Variants in PDS5B observed in about 807,000 individuals in gnomAD.
PDS5B encodes sister chromatid cohesion protein PDS5 homolog B.
In PDS5B, 51 loss-of-function variants were observed where a neutral mutation model predicts 184.1. The observed-to-expected ratio is 0.28, with a 90% CI of 0.22 to 0.35. The LOEUF is 0.35. PDS5B is among the 10% of genes least tolerant of loss of function. PDS5B has a pLI of 1.00. For missense variants in PDS5B, 1,180 were observed against 1,723.3 expected, an observed-to-expected ratio of 0.68 and a Z score of 5.58; for synonymous variants, 566 against 569.2, an observed-to-expected ratio of 0.99 and a Z score of 0.08.
chr13:32,747,370 AACTCT>A (rs1430899858), intron 24 of PDS5B, among the ~76,000 whole-genome samples: 19 of 152,236 alleles, frequency 1.2e-4, no homozygotes, highest in Admixed American at 2.0e-4. Context: ...ACTTATGTAT[AACTCT>A]CTAGACACAA....
At chr13:32,627,496 A>C (rs1186404507) in intron 1 of PDS5B, among the ~76,000 whole-genome samples, 3 of 152,306 alleles carry the variant, frequency 2.0e-5, no homozygotes, top group Admixed American at 2.0e-4. Context: ...TTTAGGAAGA[A>C]AGTTTTTAAA....
intron 1 of PDS5B, among the ~76,000 whole-genome samples, chr13:32,624,002 G>A (rs1445282225): frequency 2.6e-5 from 4 of 151,586 alleles, no homozygotes; most frequent in Admixed American, 2.6e-4. Flanking sequence ...AGTAGAGATG[G>A]GGTTTCACCA....
chr13:32,760,558 T>G lies in PDS5B; in HGVS notation c.3373-17T>G, dbSNP rs1436352808. The G allele has an allele frequency of 5.0e-6, 8 of 1,611,758 alleles. No homozygotes were observed. Among genetic ancestry groups the G allele is most frequent in the Non-Finnish European group, 5.9e-6 (7 of 1,179,158 alleles). Reference sequence around the variant, plus strand: ...GGCTTTAACCAAATAAAAAGAGATGTGCATTTCTCATTTCAGCCTAAAACA... The same window carrying G: ...GGCTTTAACCAAATAAAAAGAGATGGGCATTTCTCATTTCAGCCTAAAACA... On this transcript the variant is annotated splice_polypyrimidine_tract_variant and intron_variant, in intron 29 of 34. Coordinates refer to ENST00000315596, the MANE Select transcript of PDS5B (RefSeq NM_015032.4).
At chr13:32,765,282 G>A (rs1379417802) in intron 31 of PDS5B, among the ~76,000 whole-genome samples, 1 of 152,106 alleles carries the variant, frequency 6.6e-6, no homozygotes, top group Non-Finnish European at 1.5e-5. Flanking sequence ...TTTCTTATCT[G>A]TATGTAAATT....
At chr13:32,619,707 AC>A (rs1486673811) in intron 1 of PDS5B, among the ~76,000 whole-genome samples, 2 of 152,198 alleles carry the variant, frequency 1.3e-5, no homozygotes, top group Admixed American at 6.5e-5. Context: ...TTATGAGACC[AC>A]CGTTATATAT....
intron 19 of PDS5B, among the ~76,000 whole-genome samples, chr13:32,710,508 G>C (rs2183873): frequency 0.37 from 56,433 of 152,080 alleles, 11,084 homozygotes; most frequent in Non-Finnish European, 0.44. Context: ...TTGACACAGG[G>C]AAGTCGAGAA....
chr13:32,696,890 A>G lies in PDS5B; in HGVS notation c.1588A>G (p.Met530Val). ...ASVKAIFSKV[M>V]VITRNLPDPG... ...TGTCAAGGCCATATTTTCAAAAGTG[A>G]TGGTTATTACAAGTAAGTTATTTTA... The change falls in exon 15 of 35, where the codon ATG becomes GTG. Residue 530 changes from methionine to valine, a missense_variant. By Grantham distance (21) the Met-to-Val change is conservative (BLOSUM62 1). Coordinates refer to ENST00000315596, the MANE Select transcript of PDS5B (RefSeq NM_015032.4). 1 of 1,565,700 alleles carries G rather than the reference A, an allele frequency of 6.4e-7. No individual in the cohort carries two copies. Among genetic ancestry groups the G allele is most frequent in the Non-Finnish European group, 8.8e-7 (1 of 1,141,936 alleles).
rs1310159498 is a variant in PDS5B at position 32,775,059 on chromosome 13, G to GT, written c.*8dup. On this transcript the variant is annotated 3_prime_UTR_variant, in exon 35 of 35. Transcript: ENST00000315596. ...TAAAAGGGAACGGCGATGAACAAAT[G>GT]TAATTAATAACTTTCTCTGTGAAAG... 7.5e-7 allele frequency: 1 copy of GT among 1,334,984 alleles called. No homozygotes were observed. Among genetic ancestry groups the GT allele is most frequent in the African/African-American group, 1.5e-5 (1 of 66,202 alleles). 82.7% of individuals were successfully genotyped at this position (1,334,984 alleles called of 1,614,324 possible). A position where few individuals can be genotyped will look rare whatever the true frequency, so the allele number is the denominator to read the frequency against.
chr13:32,760,496 G>T, intron 29 of PDS5B, 79 bp from the exon 30 acceptor site: 1 of 1,307,362 alleles, frequency 7.6e-7, no homozygotes, highest in East Asian at 2.3e-5. Context: ...CTTTGAGAGA[G>T]ATGTTATTTA....
chr13:32,726,369 T>G (rs1200818989), intron 19 of PDS5B, among the ~76,000 whole-genome samples: 2 of 152,192 alleles, frequency 1.3e-5, no homozygotes. Context: ...GGACATTGGG[T>G]TGTTTTCAGT....
At chr13:32,593,269 G>A (rs2057804105) in intron 1 of PDS5B, among the ~76,000 whole-genome samples, 1 of 152,160 alleles carries the variant, frequency 6.6e-6, no homozygotes, top group Non-Finnish European at 1.5e-5. Flanking sequence ...AGGGGTTAGG[G>A]GCACCAACCC....
chr13:32,645,032 T>A (rs1174864707), intron 1 of PDS5B, among the ~76,000 whole-genome samples: 1 of 152,208 alleles, frequency 6.6e-6, no homozygotes, highest in Non-Finnish European at 1.5e-5. Context: ...CTTTTTCAGA[T>A]ACAGACTCTC....
At chr13:32,636,821 G>A (rs2058569414) in intron 1 of PDS5B, among the ~76,000 whole-genome samples, 1 of 152,220 alleles carries the variant, frequency 6.6e-6, no homozygotes, top group Non-Finnish European at 1.5e-5. Context: ...AAGCAAAAGT[G>A]CAGGGGTGGT....
chr13:32,773,121 T>C (rs900850078), intron 33 of PDS5B, 68 bp from the exon 34 acceptor site: 36 of 1,339,382 alleles, frequency 2.7e-5, no homozygotes, highest in Non-Finnish European at 3.5e-5. Context: ...CGTGAAACAT[T>C]TCTTCTAACG....
At chr13:32,726,921 G>C (rs895359909) in intron 19 of PDS5B, among the ~76,000 whole-genome samples, 5 of 152,030 alleles carry the variant, frequency 3.3e-5, no homozygotes, top group African/African-American at 1.2e-4. Context: ...TAAAGAAAAA[G>C]TTTATTTATT....
At chr13:32,673,404 G>T in intron 8 of PDS5B, 48 bp downstream of exon 8, 3 of 1,493,528 alleles carry the variant, frequency 2.0e-6, no homozygotes, top group Non-Finnish European at 1.8e-6. Flanking sequence ...TATTAGCAAA[G>T]AGCATTATTT....
At chr13:32,749,583 A>G (rs1953896320) in intron 24 of PDS5B, among the ~76,000 whole-genome samples, 1 of 152,176 alleles carries the variant, frequency 6.6e-6, no homozygotes, top group South Asian at 2.1e-4. Flanking sequence ...CATTGTTCTA[A>G]GTTCTGGAAA....
At position 32,678,900 on chromosome 13, in the gene PDS5B, A is replaced by G. The variant is rs1951149845; in HGVS notation, c.1028A>G (p.Asn343Ser). ...AAATTTGCTAGCCATTGTCTCATGA[A>G]CCATCCTGATTTAGCAAAAGACTTA... ...CVKFASHCLM[N>S]HPDLAKDLTE... Residue 343 changes from asparagine to serine, a missense_variant, in exon 10 of 35, where the codon AAC becomes AGC. Around this residue, in one of 11 missense-constraint regions of PDS5B, gnomAD observed 475 missense variants for 691.5 expected, o/e 0.69. Transcript: ENST00000315596. 1.2e-6 allele frequency: 2 copies of G among 1,603,888 alleles called. No individual in the cohort carries two copies. Among genetic ancestry groups the G allele is most frequent in the South Asian group, 1.1e-5 (1 of 90,854 alleles).
chr13:32,737,501 C>T (rs1466784674), intron 21 of PDS5B, among the ~76,000 whole-genome samples: 2 of 152,152 alleles, frequency 1.3e-5, no homozygotes, highest in African/African-American at 4.8e-5. Flanking sequence ...AAAAACTAAT[C>T]TCAGTGCCAG....
Sources: gnomAD v4.1 joint callset for allele counts (sites outside exome capture counted in the v4.1 genomes callset) on GRCh38, gnomAD v4.1.1 for gene constraint, gnomAD v4.1.1 regional missense constraint, MANE v1.5 for transcripts, NCBI Gene and HGNC (gene_info 2026-07-23, HGNC 2026-07-21) for gene names.